LINC02747: variants seen among roughly 807,000 people sequenced by gnomAD.
LINC02747 encodes the protein long independently transcribed non-coding RNA 2747, also known as CCND1-upstream intergenic DNA repair 2.
intron 1 of LINC02747, among the ~76,000 whole-genome samples, chr11:69,480,538 G>A (rs1204670265): frequency 6.6e-6 from 1 of 152,194 alleles, no homozygotes; most frequent in African/African-American, 2.4e-5. Flanking sequence ...GAAGTCCTCT[G>A]AGAGCTTCCC....
chr11:69,479,327 A>G (rs1857027220), intron 1 of LINC02747, among the ~76,000 whole-genome samples: 1 of 151,464 alleles, frequency 6.6e-6, no homozygotes, highest in Non-Finnish European at 1.5e-5. Context: ...AGTGGGTGGT[A>G]TATATGTGGA....
intron 1 of LINC02747, among the ~76,000 whole-genome samples, chr11:69,480,191 G>A (rs911659815): frequency 2.0e-5 from 3 of 152,188 alleles, no homozygotes; most frequent in African/African-American, 7.2e-5. Context: ...CTCTCCCAGG[G>A]GAAGGCAGGG....
At chr11:69,478,972 G>T (rs1857021324) in intron 1 of LINC02747, among the ~76,000 whole-genome samples, 1 of 150,310 alleles carries the variant, frequency 6.7e-6, no homozygotes, top group Non-Finnish European at 1.5e-5. Context: ...AAACAAGTGT[G>T]GGCCAGGTGC....
intron 1 of LINC02747, among the ~76,000 whole-genome samples, chr11:69,481,235 C>T (rs1278179033): frequency 6.6e-6 from 1 of 152,218 alleles, no homozygotes; most frequent in Non-Finnish European, 1.5e-5. Context: ...CATCAGAGTC[C>T]ATACTCTGCC....
At chr11:69,477,736 T>G (rs922812862) in intron 1 of LINC02747, 3 of 152,092 alleles carry the variant, frequency 2.0e-5, no homozygotes, top group Non-Finnish European at 4.4e-5. Context: ...AGGGCGAAAC[T>G]GGGCTCAGGA....
At chr11:69,481,341 TG>T in intron 1 of LINC02747, 1 of 152,362 alleles carries the variant, frequency 6.6e-6, no homozygotes, top group Non-Finnish European at 1.5e-5. Flanking sequence ...AGATACACTC[TG>T]GGCAAGTGGC....
exon 2 of LINC02747, chr11:69,476,555 G>A (rs1856996970): frequency 6.6e-6 from 1 of 151,910 alleles, no homozygotes; most frequent in Non-Finnish European, 1.5e-5. Flanking sequence ...CTTCCCCCAT[G>A]GCCACCACCT....
At chr11:69,480,607 C>T (rs983635438) in intron 1 of LINC02747, among the ~76,000 whole-genome samples, 3 of 152,214 alleles carry the variant, frequency 2.0e-5, no homozygotes, top group Non-Finnish European at 4.4e-5. Flanking sequence ...CTCCTCAACC[C>T]TCTTCTCTGT....
intron 1 of LINC02747, chr11:69,477,713 C>T (rs1188812080): frequency 1.3e-5 from 2 of 152,108 alleles, no homozygotes; most frequent in Non-Finnish European, 2.9e-5. Context: ...ATAGCCAGCA[C>T]CCTGCACCCT....
At chr11:69,479,276 A>G (rs867742563) in intron 1 of LINC02747, among the ~76,000 whole-genome samples, 21 of 147,344 alleles carry the variant, frequency 1.4e-4, no homozygotes, top group South Asian at 2.1e-4. Flanking sequence ...AAAAAAAAAA[A>G]AGAGAGAGAG....
chr11:69,478,207 C>T (rs1466937163), intron 1 of LINC02747, among the ~76,000 whole-genome samples: 1 of 152,150 alleles, frequency 6.6e-6, no homozygotes, highest in East Asian at 1.9e-4. Context: ...AATGGAGGCT[C>T]CCAGAGGACG....
chr11:69,477,783 G>A (rs1857010126), intron 1 of LINC02747, among the ~76,000 whole-genome samples: 2 of 152,200 alleles, frequency 1.3e-5, no homozygotes, highest in South Asian at 2.1e-4. Context: ...CCTGGGATAG[G>A]AGGGTTCCTG....
rs146663597 is a variant in LINC02747, at chr11:69,477,265, G to C, written n.469C>G. On this transcript the variant is annotated non_coding_transcript_exon_variant, in exon 2 of 2. Coordinates refer to ENST00000645449, the Ensembl canonical transcript of LINC02747. The stretch of plus-strand genomic sequence containing the variant: ...CACATCACCGTGGGACTCACTGCCC[G>C]CGTTCAAGAACAAGGATGGCCCAGA... The C allele has an allele frequency of 3.0e-4, 45 of 152,328 alleles. 1 individual carries two copies. Among genetic ancestry groups the C allele is most frequent in the African/African-American group, 9.9e-4 (41 of 41,562 alleles). 9.4% of individuals were successfully genotyped at this position (152,328 alleles called of 1,614,324 possible). A position where few individuals can be genotyped will look rare whatever the true frequency, so the allele number is the denominator to read the frequency against.
At chr11:69,481,072 A>C (rs1164590895) in intron 1 of LINC02747, among the ~76,000 whole-genome samples, 1 of 152,214 alleles carries the variant, frequency 6.6e-6, no homozygotes, top group Non-Finnish European at 1.5e-5. Flanking sequence ...TGCTGCAGAC[A>C]GCATGTTTAC....
In LINC02747 at chr11:69,476,762, G is replaced by A. The variant is rs1856999738; in HGVS notation, n.972C>T. 2.6e-5 allele frequency: 4 copies of A among 152,238 alleles called. No homozygotes were observed. The South Asian group carries it at 8.3e-4, about 32-fold the overall frequency. The allele number at this position is 152,238 out of a possible 1,614,324, so 9.4% of individuals were successfully genotyped here. A position where few individuals can be genotyped will look rare whatever the true frequency, so the allele number is the denominator to read the frequency against. On this transcript the variant is annotated non_coding_transcript_exon_variant, in exon 2 of 2. Transcript: ENST00000645449. The stretch of plus-strand genomic sequence containing the variant: ...TTACAGCCTGTGCACCGAGGACAAA[G>A]GGTCCCTCTAGGGTCATTAATATGG...
intron 1 of LINC02747, among the ~76,000 whole-genome samples, chr11:69,479,097 A>C (rs1857024149): frequency 6.6e-6 from 1 of 151,828 alleles, no homozygotes. Flanking sequence ...TCTACTAAAA[A>C]TACAAAAAAT....
intron 1 of LINC02747, among the ~76,000 whole-genome samples, chr11:69,478,367 G>C (rs897258726): frequency 1.3e-5 from 2 of 151,952 alleles, no homozygotes; most frequent in Admixed American, 6.5e-5. Context: ...GGGAGGACTT[G>C]CACCCCCGCC....
At chr11:69,477,283 G>A (rs1857004537) in exon 2 of LINC02747, 1 of 152,236 alleles carries the variant, frequency 6.6e-6, no homozygotes, top group Non-Finnish European at 1.5e-5. Flanking sequence ...GAACAAGGAT[G>A]GCCCAGATAC....
At chr11:69,480,216 T>C (rs926985596) in intron 1 of LINC02747, among the ~76,000 whole-genome samples, 1 of 152,106 alleles carries the variant, frequency 6.6e-6, no homozygotes, top group Non-Finnish European at 1.5e-5. Context: ...ATGGCGAGCC[T>C]GGGCCACACA....
Sources: gnomAD v4.1 joint callset for allele counts (sites outside exome capture counted in the v4.1 genomes callset) on GRCh38, gnomAD v4.1.1 for gene constraint, MANE v1.5 for transcripts, NCBI Gene and HGNC (gene_info 2026-07-23, HGNC 2026-07-21) for gene names.